AKAP13: variants seen among roughly 807,000 people sequenced by gnomAD.
AKAP13 encodes A-kinase anchor protein 13.
A neutral mutation model predicts 264.5 loss-of-function variants in AKAP13; 80 were observed. That is an observed-to-expected ratio of 0.30 (90% CI 0.25 to 0.36). The LOEUF (loss-of-function observed/expected upper bound fraction) is 0.36, where lower values mean the gene tolerates loss of function less well. Among genes scored for constraint, AKAP13 ranks in the 10% least tolerant of loss-of-function variants. AKAP13 has a pLI of 1.00. For synonymous variants in AKAP13, 1,380 were observed against 1,250.2 expected, an observed-to-expected ratio of 1.10 and a Z score of -2.19; for missense variants, 3,712 against 3,435.2, an observed-to-expected ratio of 1.08 and a Z score of -2.01.
chr15:85,539,012 T>A (rs2151202290), intron 4 of AKAP13, among the ~76,000 whole-genome samples: 1 of 150,570 alleles, frequency 6.6e-6, no homozygotes, highest in East Asian at 2.0e-4. Context: ...TTGTATTTTT[T>A]GGTAGAGACG....
chr15:85,662,378 T>C, intron 12 of AKAP13: 10 of 1,614,172 alleles, frequency 6.2e-6, no homozygotes, highest in Non-Finnish European at 8.5e-6. Context: ...GTCTTTGATG[T>C]CATCCCCAGT....
intron 8 of AKAP13, among the ~76,000 whole-genome samples, chr15:85,587,157 C>G (rs969366808): frequency 6.6e-6 from 1 of 152,142 alleles, no homozygotes; most frequent in Non-Finnish European, 1.5e-5. Flanking sequence ...TAGCAGTGTG[C>G]CTTTCCTTCA....
At chr15:85,606,339 T>C (rs1272653232) in intron 8 of AKAP13, among the ~76,000 whole-genome samples, 1 of 152,058 alleles carries the variant, frequency 6.6e-6, no homozygotes, top group African/African-American at 2.4e-5. Flanking sequence ...TGACCTCAGG[T>C]GGTCCGCCCA....
chr15:85,744,988 A>C lies in AKAP13; in HGVS notation c.*311A>C. On this transcript the variant is annotated 3_prime_UTR_variant, in exon 37 of 37. Coordinates refer to ENST00000394518, the MANE Select transcript of AKAP13 (RefSeq NM_007200.5). ...GGTGATGGTTTTGGACACGTCAGGAATTCCTAAAGGCTGAAAGAGTGTATC... is the reference window on the plus strand; with the variant it reads ...GGTGATGGTTTTGGACACGTCAGGACTTCCTAAAGGCTGAAAGAGTGTATC... 3.6e-6 allele frequency: 1 copy of C among 275,470 alleles called. No homozygotes were observed. Among genetic ancestry groups the C allele is most frequent in the East Asian group, 7.3e-5 (1 of 13,648 alleles). 17.1% of individuals were successfully genotyped at this position (275,470 alleles called of 1,614,324 possible). A position where few individuals can be genotyped will look rare whatever the true frequency, so the allele number is the denominator to read the frequency against.
rs1273455377 is a variant in AKAP13, at chr15:85,632,013, G to A, written c.4162-7361G>A. Among the ~76,000 whole-genome samples, 9 of 152,222 alleles carry A rather than the reference G, an allele frequency of 5.9e-5. No individual in the cohort carries two copies. The East Asian group carries it at 1.7e-3, about 29-fold the overall frequency. On this transcript the variant is annotated intron_variant, in intron 8 of 36. Transcript: ENST00000394518. ...AGATTGCACCACAGAAGTGTAACAT[G>A]TCAAGAGATTTTTGGCTGCCACTGT...
intron 14 of AKAP13, among the ~76,000 whole-genome samples, chr15:85,674,914 C>T (rs369847151): frequency 6.6e-6 from 1 of 151,740 alleles, no homozygotes; most frequent in African/African-American, 2.4e-5. Context: ...ATAACATTGA[C>T]AAATACATCA....
At chr15:85,656,895 G>T (rs1003054249) in intron 11 of AKAP13, among the ~76,000 whole-genome samples, 7 of 152,198 alleles carry the variant, frequency 4.6e-5, no homozygotes, top group Non-Finnish European at 8.8e-5. Flanking sequence ...GATAAGGGAT[G>T]AGGCTGACAG....
intron 2 of AKAP13, among the ~76,000 whole-genome samples, chr15:85,501,657 A>AT (rs916140356): frequency 2.0e-5 from 3 of 151,978 alleles, no homozygotes; most frequent in Admixed American, 6.6e-5. Context: ...TGAGATAACT[A>AT]TTTTTTTTCT....
At chr15:85,728,941 C>G (rs1041364487) in intron 29 of AKAP13, among the ~76,000 whole-genome samples, 3 of 151,748 alleles carry the variant, frequency 2.0e-5, no homozygotes, top group Non-Finnish European at 4.4e-5. Flanking sequence ...ATTTGGAAGA[C>G]TGTTAGGATA....
In AKAP13 at chr15:85,529,876, C is replaced by T. The variant is rs905859171; in HGVS notation, c.182-3708C>T. 8.5e-5 allele frequency among the ~76,000 whole-genome samples: 13 copies of T among 152,178 alleles called. 1 individual carries two copies. Among genetic ancestry groups the T allele is most frequent in the South Asian group, 8.3e-4 (4 of 4,824 alleles). ...TTCTTTTGAAAAAGAAGCCTCTAAT[C>T]GTACCAAACAAATTCCAGATTTATG... On this transcript the variant is annotated intron_variant, in intron 3 of 36. Coordinates refer to ENST00000394518, the MANE Select transcript of AKAP13 (RefSeq NM_007200.5).
intron 1 of AKAP13, among the ~76,000 whole-genome samples, chr15:85,386,180 C>T (rs2070550584): frequency 6.6e-6 from 1 of 151,956 alleles, no homozygotes; most frequent in South Asian, 2.1e-4. Context: ...TTATGATATC[C>T]AGTGTTTTTT....
intron 2 of AKAP13, among the ~76,000 whole-genome samples, chr15:85,517,127 T>C (rs534863633): frequency 6.6e-6 from 1 of 152,342 alleles, no homozygotes; most frequent in South Asian, 2.1e-4. Flanking sequence ...TCTTTGCTGC[T>C]GACTGGGCCC....
chr15:85,619,375 A>C, intron 8 of AKAP13: 1 of 985,306 alleles, frequency 1.0e-6, no homozygotes, highest in Non-Finnish European at 1.2e-6. Flanking sequence ...GGAGTACAGC[A>C]GGAGTGGTCT....
At chr15:85,415,546 TAAG>T (rs1328584204) in intron 1 of AKAP13, 9 of 1,465,186 alleles carry the variant, frequency 6.1e-6, no homozygotes, top group Non-Finnish European at 8.5e-6. Context: ...GAAAACACAA[TAAG>T]AAGAAAATTG....
chr15:85,717,752 G>A (rs1352903108), intron 21 of AKAP13, among the ~76,000 whole-genome samples: 1 of 152,104 alleles, frequency 6.6e-6, no homozygotes, highest in Non-Finnish European at 1.5e-5. Context: ...TCTTAACTTC[G>A]TGTAGATAGA....
At chr15:85,442,526 A>ATAT (rs557084632) in intron 1 of AKAP13, among the ~76,000 whole-genome samples, 8,525 of 110,018 alleles carry the variant, frequency 0.077, 521 homozygotes, top group East Asian at 0.29. Flanking sequence ...ATATTATATT[A>ATAT]TATATAATAT....
intron 8 of AKAP13, among the ~76,000 whole-genome samples, chr15:85,636,018 TAAC>T (rs1324122124): frequency 6.6e-6 from 1 of 152,198 alleles, no homozygotes; most frequent in East Asian, 1.9e-4. Flanking sequence ...TGAGGACAAT[TAAC>T]AACTGTATTG....
chr15:85,461,692 C>T (rs1024568242), intron 1 of AKAP13, among the ~76,000 whole-genome samples: 8 of 151,612 alleles, frequency 5.3e-5, no homozygotes, highest in Admixed American at 3.9e-4. Context: ...CTCCTATTTT[C>T]TTTAGCCATG....
chr15:85,502,493 T>A (rs2076062867), intron 2 of AKAP13, among the ~76,000 whole-genome samples: 1 of 152,224 alleles, frequency 6.6e-6, no homozygotes, highest in Non-Finnish European at 1.5e-5. Context: ...CCTTTATCAG[T>A]AGGCCTTCTT....
Sources: gnomAD v4.1 joint callset for allele counts (sites outside exome capture counted in the v4.1 genomes callset) on GRCh38, gnomAD v4.1.1 for gene constraint, MANE v1.5 for transcripts, NCBI Gene and HGNC (gene_info 2026-07-23, HGNC 2026-07-21) for gene names.